PELI1: variants seen among roughly 807,000 people sequenced by gnomAD.
PELI1 encodes pellino E3 ubiquitin protein ligase 1, also known as E3 ubiquitin-protein ligase pellino homolog 1.
Under a neutral mutation model 41.3 loss-of-function variants are expected in PELI1, and 15 were observed. The ratio of observed to expected loss-of-function variants is 0.36; its 90% confidence interval spans 0.24 to 0.56. The LOEUF is 0.56. Ranked by LOEUF, PELI1 falls within the 20% of genes least tolerant of loss-of-function variation. The probability of loss-of-function intolerance (pLI) is 0.82; values close to 1 mark genes in which losing one functional copy is unlikely to be tolerated. For missense variants in PELI1, 403 were observed against 525.5 expected (o/e 0.77, Z 2.28); for synonymous variants, 178 against 180.1 (o/e 0.99, Z 0.09).
intron 1 of PELI1, among the ~76,000 whole-genome samples, chr2:64,121,550 A>G (rs1558482307): frequency 1.4e-5 from 2 of 147,550 alleles, no homozygotes; most frequent in Middle Eastern, 3.5e-3. Context: ...TTGAGGAAAT[A>G]TTTTTTTTCT....
Position 64,094,264 on chromosome 2 carries a change from T to C in PELI1, c.*438A>G, listed in dbSNP as rs1227705701. On this transcript the variant is annotated 3_prime_UTR_variant, in exon 7 of 7. Transcript: ENST00000358912. ...CCATGCTACTCTATCAAGAACATTC[T>C]AAGGTATTTTCTATAATAAAGATAA... is the stretch of plus-strand genomic sequence containing the variant. 6.3e-6 allele frequency: 1 copy of C among 159,072 alleles called. No homozygotes were observed. The highest frequency in any genetic ancestry group is 1.4e-5 in the Non-Finnish European group (1 of 72,046). 9.9% of individuals were successfully genotyped at this position (159,072 alleles called of 1,614,324 possible).
chr2:64,107,597 A>G (rs1398239713), intron 2 of PELI1, among the ~76,000 whole-genome samples: 1 of 152,228 alleles, frequency 6.6e-6, no homozygotes, highest in Non-Finnish European at 1.5e-5. Flanking sequence ...AATTTTTGGT[A>G]AAGTCAGCTG....
At chr2:64,114,914 CCT>C (rs1680941147) in intron 1 of PELI1, among the ~76,000 whole-genome samples, 1 of 152,106 alleles carries the variant, frequency 6.6e-6, no homozygotes, top group South Asian at 2.1e-4. Context: ...GGAAATTTCC[CCT>C]TTTTTTGGCA....
chr2:64,101,535 G>A (rs1270618865), intron 3 of PELI1, among the ~76,000 whole-genome samples: 1 of 152,020 alleles, frequency 6.6e-6, no homozygotes, highest in Non-Finnish European at 1.5e-5. Context: ...TCACACAAAG[G>A]AAGTAGAAAT....
chr2:64,138,387 T>C (rs1681787531), intron 1 of PELI1, among the ~76,000 whole-genome samples: 1 of 152,190 alleles, frequency 6.6e-6, no homozygotes. Context: ...TTACTCACTT[T>C]AACTATTTAT....
chr2:64,102,856 A>T (rs2576836), intron 3 of PELI1, among the ~76,000 whole-genome samples: 81,004 of 117,494 alleles, frequency 0.69, 25,038 homozygotes, highest in African/African-American at 0.82. Context: ...TTTTTTTTTT[A>T]AACTGAGACA....
chr2:64,135,091 T>G (rs1681671396), intron 1 of PELI1, among the ~76,000 whole-genome samples: 1 of 152,146 alleles, frequency 6.6e-6, no homozygotes, highest in South Asian at 2.1e-4. Flanking sequence ...ATATGGTTAG[T>G]ATTACAGTAA....
At chr2:64,136,850 C>A (rs957546637) in intron 1 of PELI1, among the ~76,000 whole-genome samples, 1 of 152,180 alleles carries the variant, frequency 6.6e-6, no homozygotes, top group African/African-American at 2.4e-5. Flanking sequence ...TTGCAGTGAG[C>A]CGAGATTGTG....
chr2:64,138,563 C>T (rs1681793513), intron 1 of PELI1, among the ~76,000 whole-genome samples: 1 of 152,002 alleles, frequency 6.6e-6, no homozygotes, highest in South Asian at 2.1e-4. Flanking sequence ...CCTGTCTCTA[C>T]TAAAAATACA....
chr2:64,095,123 C>T lies in PELI1; in HGVS notation c.836G>A (p.Arg279Gln), dbSNP rs1680186885. The T allele has an allele frequency of 6.2e-7, 1 of 1,614,032 alleles. No individual in the cohort carries two copies. Among genetic ancestry groups the T allele is most frequent in the Admixed American group, 1.7e-5 (1 of 60,000 alleles). Reference sequence around the variant, plus strand: ...GTTGAACCCTACAGGGCACTGAGGTCGTGCTGCATTGATTTCCTGTCTTAA... The same window carrying T: ...GTTGAACCCTACAGGGCACTGAGGTTGTGCTGCATTGATTTCCTGTCTTAA... ...EALRQEINAA[R>Q]PQCPVGFNTL... Residue 279 changes from arginine (R) to glutamine (Q), a missense_variant, in exon 7 of 7, where the codon CGA becomes CAA. Coordinates refer to ENST00000358912, the MANE Select transcript of PELI1 (RefSeq NM_020651.4).
chr2:64,116,163 G>A (rs1680984098), intron 1 of PELI1, among the ~76,000 whole-genome samples: 1 of 152,148 alleles, frequency 6.6e-6, no homozygotes, highest in South Asian at 2.1e-4. Flanking sequence ...ATTGTGGAAG[G>A]AGAGCTGTTT....
intron 1 of PELI1, among the ~76,000 whole-genome samples, chr2:64,130,345 A>G (rs972601461): frequency 6.6e-6 from 1 of 152,106 alleles, no homozygotes; most frequent in African/African-American, 2.4e-5. Context: ...CTGAATATGT[A>G]ATAAATACTC....
chr2:64,143,937 C>A (rs542825807), intron 1 of PELI1, 144 bp downstream of exon 1: 1 of 147,812 alleles, frequency 6.8e-6, no homozygotes, highest in Admixed American at 6.7e-5. Context: ...CCGCTCCCCG[C>A]CGCAGCGGGG....
chr2:64,126,146 T>G (rs1681375441), intron 1 of PELI1, among the ~76,000 whole-genome samples: 1 of 152,262 alleles, frequency 6.6e-6, no homozygotes, highest in Middle Eastern at 3.4e-3. Flanking sequence ...TTGGAGCAGT[T>G]CTTAAACCAA....
intron 1 of PELI1, among the ~76,000 whole-genome samples, chr2:64,138,283 C>A (rs1362111814): frequency 6.6e-6 from 1 of 152,146 alleles, no homozygotes; most frequent in Non-Finnish European, 1.5e-5. Flanking sequence ...GGCACGCTCC[C>A]ATCTCAGGGC....
chr2:64,124,269 T>A (rs147374091), intron 1 of PELI1, among the ~76,000 whole-genome samples: 148 of 149,830 alleles, frequency 9.9e-4, no homozygotes, highest in African/African-American at 3.5e-3. Flanking sequence ...ACCACTGAAG[T>A]GTACACTTTA....
Position 64,094,973 on chromosome 2 carries a change from T to C in PELI1, c.986A>G (p.Lys329Arg), listed in dbSNP as rs1680180275. The change falls in exon 7 of 7, where the codon AAA (lysine) becomes AGA (arginine). Residue 329 changes from lysine to arginine, a missense_variant. Coordinates refer to ENST00000358912, the MANE Select transcript of PELI1 (RefSeq NM_020651.4). ...NWGNKEERDG[K>R]DRECPMCRSV... ...CCTACACATAGGACATTCACGATCT[T>C]TTCCATCACGTTCTTCTTTGTTTCC... 6.2e-7 allele frequency: 1 copy of C among 1,614,222 alleles called. No individual in the cohort carries two copies. Among genetic ancestry groups the C allele is most frequent in the African/African-American group, 1.3e-5 (1 of 75,058 alleles).
At chr2:64,129,285 G>A (rs1353092168) in intron 1 of PELI1, among the ~76,000 whole-genome samples, 1 of 152,134 alleles carries the variant, frequency 6.6e-6, no homozygotes, top group Non-Finnish European at 1.5e-5. Flanking sequence ...AAAATGTGAA[G>A]TCAAGGGAAA....
intron 1 of PELI1, among the ~76,000 whole-genome samples, chr2:64,121,687 C>G (rs1175441456): frequency 6.6e-6 from 1 of 152,186 alleles, no homozygotes; most frequent in African/African-American, 2.4e-5. Context: ...AGGTGGATCA[C>G]CTGAGGTCAG....
Sources: allele counts gnomAD v4.1 joint callset (sites outside exome capture counted in the v4.1 genomes callset), GRCh38; gene constraint gnomAD v4.1.1; transcripts MANE v1.5; gene names NCBI Gene and HGNC (gene_info 2026-07-23, HGNC 2026-07-21).